KANK4: variants seen among roughly 807,000 people sequenced by gnomAD.
The protein encoded by KANK4 is KN motif and ankyrin repeat domains 4.
KANK4 carries 50 observed loss-of-function variants against 80.8 expected under a neutral mutation model. The ratio of observed to expected loss-of-function variants is 0.62; its 90% CI spans 0.49 to 0.78. The LOEUF (loss-of-function observed/expected upper bound fraction) is 0.78, where lower values mean the gene tolerates loss of function less well. Ranked by LOEUF, KANK4 falls within the 30% of genes least tolerant of loss-of-function variation. The pLI, the probability that KANK4 is intolerant of heterozygous loss-of-function variation, is 0.00. For missense variants in KANK4, 1,196 were observed against 1,240.1 expected, an observed-to-expected ratio of 0.96 and a Z score of 0.53; for synonymous variants, 465 against 506.9, an observed-to-expected ratio of 0.92 and a Z score of 1.11.
intron 8 of KANK4, among the ~76,000 whole-genome samples, chr1:62,251,366 C>T (rs1032516449): frequency 2.6e-5 from 4 of 152,178 alleles, no homozygotes; most frequent in Non-Finnish European, 5.9e-5. Context: ...ACCTTGTTAG[C>T]TTTAACGTGG....
Position 62,271,465 on chromosome 1 carries a change from A to G in KANK4, c.2012+13T>C. The G allele has an allele frequency of 6.4e-7, 1 of 1,567,456 alleles. No individual in the cohort carries two copies. On this transcript the variant is annotated intron_variant, in intron 4 of 9. Transcript: ENST00000371153. ...GCAAGAAAGGCAGTCTGAGCTTCAC[A>G]AGCGATGCTTACCCACCGTTAACCC...
chr1:62,313,738 T>C (rs1274888438), intron 1 of KANK4, among the ~76,000 whole-genome samples: 1 of 151,928 alleles, frequency 6.6e-6, no homozygotes, highest in Non-Finnish European at 1.5e-5. Flanking sequence ...TTAGGACAAA[T>C]ACCTAATGCA....
Position 62,285,428 on chromosome 1 carries a change from G to A in KANK4, c.-70-3794C>T, listed in dbSNP as rs1182347053. On this transcript the variant is annotated intron_variant, in intron 1 of 9. Transcript: ENST00000371153. ...CGCACCCTCTCCTCTCCACACTTACGCCTTTTATGATGCCATTTTCAAGCT... is the reference window on the plus strand; with the variant it reads ...CGCACCCTCTCCTCTCCACACTTACACCTTTTATGATGCCATTTTCAAGCT... Among the ~76,000 whole-genome samples, 4 of 152,120 alleles carry A rather than the reference G, an allele frequency of 2.6e-5. No homozygotes were observed. The East Asian group carries it at 5.8e-4, about 22-fold the overall frequency.
chr1:62,316,551 T>A (rs929537117), intron 1 of KANK4, among the ~76,000 whole-genome samples: 5 of 152,232 alleles, frequency 3.3e-5, no homozygotes, highest in Admixed American at 6.5e-5. Flanking sequence ...TCACTGAGCA[T>A]CCATTTTCTG....
chr1:62,275,112 A>C (rs1378242260), intron 2 of KANK4, 25 bp from the exon 3 acceptor site: 1 of 1,541,774 alleles, frequency 6.5e-7, no homozygotes, highest in South Asian at 1.2e-5. Context: ...ACAAGTTAAA[A>C]AAAAAAAGCA....
Position 62,281,623 on chromosome 1 carries a change from T to C in KANK4, c.-59A>G. On this transcript the variant is annotated 5_prime_UTR_variant, in exon 2 of 10. Transcript: ENST00000371153. ...TCTTCATCCAATGAGTCTGTAAAAC[T>C]TGTTGAAGGTTCTGAAAGAAAGGAG... 1 of 1,598,814 alleles carries C rather than the reference T, an allele frequency of 6.3e-7. No homozygotes were observed. Among genetic ancestry groups the C allele is most frequent in the South Asian group, 1.1e-5 (1 of 90,760 alleles).
chr1:62,252,945 G>A, intron 8 of KANK4, 122 bp downstream of exon 8: 1 of 1,204,932 alleles, frequency 8.3e-7, no homozygotes, highest in Non-Finnish European at 1.2e-6. Flanking sequence ...CCATTTGGAG[G>A]TCCCAGCCTC....
At chr1:62,317,693 C>T (rs552274824) in intron 1 of KANK4, among the ~76,000 whole-genome samples, 5 of 152,322 alleles carry the variant, frequency 3.3e-5, no homozygotes, top group East Asian at 1.9e-4. Context: ...GCAGACTGAC[C>T]GACTACTGGA....
intron 1 of KANK4, among the ~76,000 whole-genome samples, chr1:62,312,838 T>C (rs1323578397): frequency 2.0e-5 from 3 of 152,222 alleles, no homozygotes; most frequent in African/African-American, 7.2e-5. Context: ...TGTTAATCCA[T>C]GGCACTTAGA....
intron 1 of KANK4, among the ~76,000 whole-genome samples, chr1:62,313,668 G>T (rs544425401): frequency 2.3e-4 from 35 of 152,218 alleles, no homozygotes; most frequent in Non-Finnish European, 4.6e-4. Context: ...CATGGACACG[G>T]GGAGGGGAAC....
At chr1:62,255,554 TAC>T (rs1205213756) in intron 7 of KANK4, among the ~76,000 whole-genome samples, 3 of 152,214 alleles carry the variant, frequency 2.0e-5, no homozygotes, top group African/African-American at 7.2e-5. Context: ...GAAAAACAAT[TAC>T]ACTTAATCAA....
At chr1:62,277,166 G>A (rs113627858) in intron 2 of KANK4, among the ~76,000 whole-genome samples, 1,725 of 152,328 alleles carry the variant, frequency 0.011, 40 homozygotes, top group African/African-American at 0.04. Flanking sequence ...CAGTGAGATA[G>A]GGAGAGTAAC....
chr1:62,289,638 A>C (rs919694431), intron 1 of KANK4, among the ~76,000 whole-genome samples: 2 of 151,154 alleles, frequency 1.3e-5, no homozygotes, highest in African/African-American at 2.4e-5. Flanking sequence ...AGACAGAAGA[A>C]GACAAAAAAA....
At chr1:62,272,304 T>A (rs1672182039) in intron 3 of KANK4, 1 of 152,492 alleles carries the variant, frequency 6.6e-6, no homozygotes, top group Admixed American at 6.5e-5. Flanking sequence ...GCACTTAATC[T>A]CCTGCCCCTG....
At chr1:62,268,185 G>T in intron 5 of KANK4, 102 bp downstream of exon 5, 2 of 908,362 alleles carry the variant, frequency 2.2e-6, no homozygotes, top group Non-Finnish European at 1.8e-6. Context: ...ACTGGCAAAT[G>T]GATGGGTACA....
At chr1:62,291,274 T>C (rs1175349341) in intron 1 of KANK4, among the ~76,000 whole-genome samples, 1 of 152,230 alleles carries the variant, frequency 6.6e-6, no homozygotes, top group Non-Finnish European at 1.5e-5. Flanking sequence ...ATTTTTGAAT[T>C]GGCTTGTTTG....
Position 62,273,239 on chromosome 1 carries a change from T to C in KANK4, c.1865A>G (p.Lys622Arg), listed in dbSNP as rs932489495. 1 of 1,526,872 alleles carries C rather than the reference T, an allele frequency of 6.5e-7. No individual in the cohort carries two copies. Among genetic ancestry groups the C allele is most frequent in the Admixed American group, 2.1e-5 (1 of 46,542 alleles). The allele number at this position is 1,526,872 out of a possible 1,614,324, so 94.6% of individuals were successfully genotyped here. Residue 622 changes from lysine to arginine, a missense_variant, in exon 3 of 10, where the codon AAG becomes AGG. Physicochemically the swap from Lys to Arg is conservative, Grantham distance 26 (BLOSUM62 2). This residue lies in a region of KANK4 where 1,154 missense variants were observed against 1,179.6 expected (regional missense o/e 0.98). Transcript: ENST00000371153. ...GGAGGAGGAGGAGGCCGGTGGCTCC[T>C]TGGGTGGGTGAGCCTGGGCCGAGTA... ...SAYSAQAHPP[K>R]EPPASSSSPP...
At chr1:62,284,092 C>T (rs1048391098) in intron 1 of KANK4, among the ~76,000 whole-genome samples, 1 of 152,102 alleles carries the variant, frequency 6.6e-6, no homozygotes, top group African/African-American at 2.4e-5. Flanking sequence ...CTGTCGTGTG[C>T]ACAAGTCACC....
At chr1:62,299,055 AT>A (rs550552532) in intron 1 of KANK4, among the ~76,000 whole-genome samples, 226 of 147,506 alleles carry the variant, frequency 1.5e-3, no homozygotes, top group African/African-American at 5.0e-3. Context: ...CCTGCCCAAG[AT>A]TTTTTTTTTT....
Sources: gnomAD v4.1 joint callset for allele counts (sites outside exome capture counted in the v4.1 genomes callset) on GRCh38, gnomAD v4.1.1 for gene constraint, gnomAD v4.1.1 regional missense constraint, MANE v1.5 for transcripts, NCBI Gene and HGNC (gene_info 2026-07-23, HGNC 2026-07-21) for gene names.